The following ASB13 variants were observed in gnomAD, a reference collection of about 807,000 sequenced individuals.
The protein encoded by ASB13 is ankyrin repeat and SOCS box protein 13.
ASB13 carries 33 observed loss-of-function variants against 28.8 expected under a neutral mutation model. The ratio of observed to expected loss-of-function variants is 1.15; its 90% CI spans 0.87 to 1.53. The LOEUF is 1.53. ASB13 is among the 40% of genes most tolerant of loss of function. ASB13 has a pLI of 0.00. For missense variants in ASB13, 414 were observed against 390.1 expected, an observed-to-expected ratio of 1.06 and a Z score of -0.52; for synonymous variants, 182 against 172.9, an observed-to-expected ratio of 1.05 and a Z score of -0.41.
rs1835001406 is a variant in ASB13, at chr10:5,652,347, C to A, written c.231+516G>T. Among the ~76,000 whole-genome samples the A allele has an allele frequency of 2.0e-5, 3 of 152,206 alleles. No homozygotes were observed. The highest frequency in any genetic ancestry group is 7.2e-5 in the African/African-American group (3 of 41,448). ...CAGGGGTGTGCAGGGCCAGTGTTTG[C>A]CAGCTCGGGAGAGCTGGCTGCCAAT... On this transcript the variant is annotated intron_variant, in intron 2 of 5. Transcript: ENST00000357700. The surrounding 1 kb of genome is among the most constrained non-coding windows in gnomAD (Gnocchi z 5.0).
Position 5,664,475 on chromosome 10 carries a change from T to C in ASB13, c.43+2034A>G, listed in dbSNP as rs1835224349. Among the ~76,000 whole-genome samples the C allele has an allele frequency of 2.0e-5, 3 of 151,814 alleles. No homozygotes were observed. Among genetic ancestry groups the C allele is most frequent in the African/African-American group, 4.8e-5 (2 of 41,406 alleles). On this transcript the variant is annotated intron_variant, in intron 1 of 5. Transcript: ENST00000357700. This position sits in a 1 kb window ranked among gnomAD's most constrained non-coding sequence, Gnocchi z 4.2. ...AAGACATTACACAAAAAGAGAAACATAGTCCCCACATAGCAAGTGGCTCAG... is the reference window on the plus strand; with the variant it reads ...AAGACATTACACAAAAAGAGAAACACAGTCCCCACATAGCAAGTGGCTCAG...
Position 5,641,627 on chromosome 10 carries a change from G to T in ASB13, c.709+143C>A. ...CAACAGCACAAACAGCCCCCGCAAAGTGCTTAAGGGTCTGTCCTAGCGCAG... is the reference window on the plus strand; with the variant it reads ...CAACAGCACAAACAGCCCCCGCAAATTGCTTAAGGGTCTGTCCTAGCGCAG... On this transcript the variant is annotated intron_variant, in intron 5 of 5. Transcript: ENST00000357700. This position sits in a 1 kb window ranked among gnomAD's most constrained non-coding sequence, Gnocchi z 8.4. 2.4e-6 allele frequency: 2 copies of T among 834,650 alleles called. No homozygotes were observed. Among genetic ancestry groups the T allele is most frequent in the Non-Finnish European group, 3.5e-6 (2 of 569,232 alleles). 51.7% of individuals were successfully genotyped at this position (834,650 alleles called of 1,614,324 possible). A position where few individuals can be genotyped will look rare whatever the true frequency, so the allele number is the denominator to read the frequency against.
intron 1 of ASB13, among the ~76,000 whole-genome samples, chr10:5,662,603 G>GAAGAGAAGAGAAGAGAAGAGAAGAA (rs1835192401): frequency 1.4e-4 from 19 of 132,472 alleles, no homozygotes; most frequent in Admixed American, 2.4e-4. Flanking sequence ...GAAGAGAAGA[G>GAAGAGAAGAGAAGAGAAGAGAAGAA]AAGAGAAGAG....
chr10:5,644,410 C>A lies in ASB13; in HGVS notation c.518-2449G>T, dbSNP rs11256644. Among the ~76,000 whole-genome samples, 2 of 151,956 alleles carry A rather than the reference C, an allele frequency of 1.3e-5. No homozygotes were observed. Among genetic ancestry groups the A allele is most frequent in the Non-Finnish European group, 2.9e-5 (2 of 67,956 alleles). ...ACTCTGGAGGCTGAGGTAGGAGGAT[C>A]ACTTGAGCCCGGGAGGTTGAGGCTG... On this transcript the variant is annotated intron_variant, in intron 4 of 5. Transcript: ENST00000357700. The surrounding 1 kb of genome is among the most constrained non-coding windows in gnomAD (Gnocchi z 5.1).
rs569872456 is a variant in ASB13, at chr10:5,642,099, G to A, written c.518-138C>T. Reference sequence around the variant, plus strand: ...AGACAAAATCAGGACAGACTCTACCGTAGCTTTCAAAAATGTTTTTCAACA... The same window carrying A: ...AGACAAAATCAGGACAGACTCTACCATAGCTTTCAAAAATGTTTTTCAACA... On this transcript the variant is annotated intron_variant, in intron 4 of 5. Transcript: ENST00000357700. The surrounding 1 kb of genome is among the most constrained non-coding windows in gnomAD (Gnocchi z 4.1). 11 of 764,134 alleles carry A rather than the reference G, an allele frequency of 1.4e-5. No homozygotes were observed. The South Asian group carries it at 1.9e-4, about 13-fold the overall frequency. The allele number at this position is 764,134 out of a possible 1,614,324, so 47.3% of individuals were successfully genotyped here.
In ASB13 at chr10:5,657,811, C is replaced by T. The variant is rs181732293; in HGVS notation, c.44-4761G>A. Among the ~76,000 whole-genome samples the T allele has an allele frequency of 1.1e-3, 160 of 152,314 alleles. 1 individual carries two copies. The highest frequency in any genetic ancestry group is 2.1e-3 in the South Asian group (10 of 4,828). On this transcript the variant is annotated intron_variant, in intron 1 of 5. Coordinates refer to ENST00000357700, the MANE Select transcript of ASB13 (RefSeq NM_024701.4). ...GGAATGAAGGAAATCCTGTCCCATG[C>T]TACAACATGGATGAACCTTGAGGAC...
rs1172638909 is a variant in ASB13, at chr10:5,664,782, GT to G, written c.43+1726del. On this transcript the variant is annotated intron_variant, in intron 1 of 5. Transcript: ENST00000357700. The surrounding 1 kb of genome is among the most constrained non-coding windows in gnomAD (Gnocchi z 4.2). ...TACAACCTCTGCCTATCAGGTTCAAGTGATTCTCCTGCCTCAGCCTCCCCAG... is the reference window on the plus strand; with the variant it reads ...TACAACCTCTGCCTATCAGGTTCAAGGATTCTCCTGCCTCAGCCTCCCCAG... Among the ~76,000 whole-genome samples the G allele has an allele frequency of 6.6e-6, 1 of 152,214 alleles. No individual in the cohort carries two copies. Among genetic ancestry groups the G allele is most frequent in the African/African-American group, 2.4e-5 (1 of 41,444 alleles).
In ASB13 at chr10:5,656,770, G is replaced by C. The variant is rs534813102; in HGVS notation, c.44-3720C>G. The stretch of plus-strand genomic sequence containing the variant: ...TATAGGAGCACTGCGACCTGATCAA[G>C]GACAAAGATGTTCCCAACCTCCTAG... On this transcript the variant is annotated intron_variant, in intron 1 of 5. Transcript: ENST00000357700. This position sits in a 1 kb window ranked among gnomAD's most constrained non-coding sequence, Gnocchi z 4.3. 6.6e-6 allele frequency among the ~76,000 whole-genome samples: 1 copy of C among 152,292 alleles called. No homozygotes were observed. Among genetic ancestry groups the C allele is most frequent in the East Asian group, 1.9e-4 (1 of 5,184 alleles).
rs1369163553 is a variant in ASB13, at chr10:5,652,833, T to G, written c.231+30A>C. On this transcript the variant is annotated intron_variant, in intron 2 of 5. Coordinates refer to ENST00000357700, the MANE Select transcript of ASB13 (RefSeq NM_024701.4). This position sits in a 1 kb window ranked among gnomAD's most constrained non-coding sequence, Gnocchi z 5.0. ...CCTCCATTCTGGCAGCTGCAGCCAG[T>G]CTGGGGGTCTGCCCTGAAGGGCCAC... The G allele has an allele frequency of 6.7e-7, 1 of 1,493,506 alleles. No individual in the cohort carries two copies. Among genetic ancestry groups the G allele is most frequent in the Admixed American group, 2.2e-5 (1 of 46,060 alleles). 92.5% of individuals were successfully genotyped at this position (1,493,506 alleles called of 1,614,324 possible). A position where few individuals can be genotyped will look rare whatever the true frequency, so the allele number is the denominator to read the frequency against.
In ASB13 at chr10:5,644,863, G is replaced by C. The variant is rs1834860413; in HGVS notation, c.518-2902C>G. Among the ~76,000 whole-genome samples the C allele has an allele frequency of 6.6e-6, 1 of 152,034 alleles. No individual in the cohort carries two copies. The highest frequency in any genetic ancestry group is 2.1e-4 in the South Asian group (1 of 4,818). ...AGGGAACAGATACAGAGGAAAGAAGGAAGAGAGAAAGAGGGTAGGAGAGGG... is the reference window on the plus strand; with the variant it reads ...AGGGAACAGATACAGAGGAAAGAAGCAAGAGAGAAAGAGGGTAGGAGAGGG... On this transcript the variant is annotated intron_variant, in intron 4 of 5. Transcript: ENST00000357700. This position sits in a 1 kb window ranked among gnomAD's most constrained non-coding sequence, Gnocchi z 5.1.
intron 4 of ASB13, among the ~76,000 whole-genome samples, chr10:5,648,555 TAAACACCCACGCAGGC>T (rs375709002): frequency 0.26 from 26,615 of 102,156 alleles, 4,314 homozygotes; most frequent in East Asian, 0.53. Context: ...CCCACTCAGG[TAAACACCCACGCAGGC>T]AAACACCCAC....
chr10:5,646,083 G>A (rs1251889296), intron 4 of ASB13, among the ~76,000 whole-genome samples: 4 of 152,268 alleles, frequency 2.6e-5, no homozygotes, highest in Admixed American at 6.5e-5. Context: ...GTCACTGTGC[G>A]GAGGCTTCCC....
rs139988314 is a variant in ASB13, at chr10:5,660,916, G to T, written c.43+5593C>A. 6.6e-6 allele frequency among the ~76,000 whole-genome samples: 1 copy of T among 152,168 alleles called. No homozygotes were observed. The highest frequency in any genetic ancestry group is 1.5e-5 in the Non-Finnish European group (1 of 68,026). ...ACCCAGCAGTGTGCCGGGCCATCTC[G>T]CCAGCTGGCTGCTGCACAGCCAGGT... On this transcript the variant is annotated intron_variant, in intron 1 of 5. Coordinates refer to ENST00000357700, the MANE Select transcript of ASB13 (RefSeq NM_024701.4). The surrounding 1 kb of genome is among the most constrained non-coding windows in gnomAD (Gnocchi z 6.1).
chr10:5,645,216 T>C lies in ASB13; in HGVS notation c.518-3255A>G, dbSNP rs994149928. Among the ~76,000 whole-genome samples the C allele has an allele frequency of 6.6e-6, 1 of 151,622 alleles. No individual in the cohort carries two copies. The highest frequency in any genetic ancestry group is 2.4e-5 in the African/African-American group (1 of 41,222). ...ACATAAACACAAATAGCTCAATAGG[T>C]GCTTGTTACCACAAGAGAAATTGAA... On this transcript the variant is annotated intron_variant, in intron 4 of 5. Transcript: ENST00000357700. This position sits in a 1 kb window ranked among gnomAD's most constrained non-coding sequence, Gnocchi z 5.4.
In ASB13 at chr10:5,645,620, C is replaced by CA. The variant is rs1771489298; in HGVS notation, c.517+3349dup. Among the ~76,000 whole-genome samples the CA allele has an allele frequency of 6.6e-6, 1 of 152,216 alleles. No individual in the cohort carries two copies. The highest frequency in any genetic ancestry group is 2.4e-5 in the African/African-American group (1 of 41,448). ...AACCGCACATGAAAGCACCTGCACT[C>CA]ATGTGGGCCCCGACTGGTTCAATCC... On this transcript the variant is annotated intron_variant, in intron 4 of 5. Transcript: ENST00000357700. The surrounding 1 kb of genome is among the most constrained non-coding windows in gnomAD (Gnocchi z 5.4).
At chr10:5,653,738 A>G (rs1300752432) in intron 1 of ASB13, among the ~76,000 whole-genome samples, 1 of 151,878 alleles carries the variant, frequency 6.6e-6, no homozygotes, top group Non-Finnish European at 1.5e-5. Flanking sequence ...CTGGAGTGCA[A>G]TGGTGTGATC....
rs1445199208 is a variant in ASB13 at position 5,652,921 on chromosome 10, G to C, written c.173C>G (p.Ala58Gly). 3 of 1,583,296 alleles carry C rather than the reference G, an allele frequency of 1.9e-6. No individual in the cohort carries two copies. Residue 58 changes from alanine (A) to glycine (G), a missense_variant, in exon 2 of 6, where the codon GCA becomes GGA. Transcript: ENST00000357700. The surrounding 1 kb of genome is among the most constrained non-coding windows in gnomAD (Gnocchi z 5.0). ...VTVDSITPLH[A>G]ASLQGQARCV... is the part of the protein sequence containing the mutation. ...CCGCGCCTGGCCCTGCAGACTGGCT[G>C]CGTGCAGGGGCGTGATGGAGTCCAC... is the stretch of plus-strand genomic sequence containing the variant.
intron 1 of ASB13, among the ~76,000 whole-genome samples, chr10:5,666,214 GGC>G (rs1008486991): frequency 6.6e-5 from 10 of 152,224 alleles, no homozygotes; most frequent in Non-Finnish European, 1.3e-4. Context: ...CCTTCCCCAG[GGC>G]GCGCGGCGCT....
chr10:5,653,843 A>G (rs1001559803), intron 1 of ASB13, among the ~76,000 whole-genome samples: 1 of 152,048 alleles, frequency 6.6e-6, no homozygotes, highest in Non-Finnish European at 1.5e-5. Context: ...CATCACACCC[A>G]GCTAATTTTT....
Sources: allele counts gnomAD v4.1 joint callset (sites outside exome capture counted in the v4.1 genomes callset), GRCh38; gene constraint gnomAD v4.1.1; non-coding constraint Gnocchi (gnomAD v3.1); transcripts MANE v1.5; gene names NCBI Gene and HGNC (gene_info 2026-07-23, HGNC 2026-07-21).